The following WDFY4 variants were observed in gnomAD, a reference collection of about 807,000 sequenced individuals.
The protein encoded by WDFY4 is WD repeat- and FYVE domain-containing protein 4.
WDFY4 carries 169 observed loss-of-function variants against 351.9 expected under a neutral mutation model. That is an observed-to-expected ratio of 0.48 (90% CI 0.42 to 0.55). WDFY4 has a LOEUF of 0.55. WDFY4 is among the 20% of genes least tolerant of loss of function. The probability of loss-of-function intolerance (pLI) is 0.00; values close to 1 mark genes in which losing one functional copy is unlikely to be tolerated. For synonymous variants in WDFY4, 1,622 were observed against 1,574.6 expected (o/e 1.03, Z -0.71); for missense variants, 3,803 against 3,935.6 (o/e 0.97, Z 0.90).
rs1406361060 is a variant in WDFY4, at chr10:48,876,832, A to ATT, written c.7001-198_7001-197dup. Among the ~76,000 whole-genome samples the ATT allele has an allele frequency of 6.6e-5, 10 of 152,280 alleles. No individual in the cohort carries two copies. The East Asian group carries it at 1.9e-3, about 29-fold the overall frequency. On this transcript the variant is annotated intron_variant, in intron 42 of 61. Coordinates refer to ENST00000325239, the MANE Select transcript of WDFY4 (RefSeq NM_001394531.1). Reference sequence around the variant, plus strand: ...CTCCAGGATAAGTCAACTGGAAGGTATTTTGACCACACCCCAGGGTGCCCC... The same window carrying ATT: ...CTCCAGGATAAGTCAACTGGAAGGTATTTTTTGACCACACCCCAGGGTGCCCC...
intron 58 of WDFY4, among the ~76,000 whole-genome samples, chr10:48,975,515 C>G (rs1842529664): frequency 6.6e-6 from 1 of 152,080 alleles, no homozygotes; most frequent in African/African-American, 2.4e-5. Flanking sequence ...TATGGGGTTC[C>G]CTGAGGATGC....
chr10:48,895,860 C>T (rs566403953), intron 44 of WDFY4, among the ~76,000 whole-genome samples: 1 of 152,194 alleles, frequency 6.6e-6, no homozygotes, highest in Non-Finnish European at 1.5e-5. Context: ...TCGGGACTGC[C>T]TGATGCCTGC....
chr10:48,928,389 T>C (rs1405407110), intron 47 of WDFY4, among the ~76,000 whole-genome samples: 3 of 150,708 alleles, frequency 2.0e-5, no homozygotes, highest in African/African-American at 7.4e-5. Context: ...TGTGTGTGTG[T>C]GTGTGTGTTG....
chr10:48,767,115 C>A (rs912404879), intron 13 of WDFY4, among the ~76,000 whole-genome samples: 27 of 152,278 alleles, frequency 1.8e-4, no homozygotes, highest in African/African-American at 6.0e-4. Context: ...AAATCATGAG[C>A]CTTGGAGTAA....
At chr10:48,872,080 G>A (rs1052882886) in intron 40 of WDFY4, among the ~76,000 whole-genome samples, 4 of 152,152 alleles carry the variant, frequency 2.6e-5, no homozygotes, top group Non-Finnish European at 5.9e-5. Context: ...GAAACATGAT[G>A]GATGATCAGG....
Position 48,943,450 on chromosome 10 carries a change from G to T in WDFY4, c.7749+1G>T. The T allele has an allele frequency of 6.4e-7, 1 of 1,551,400 alleles. No individual in the cohort carries two copies. The highest frequency in any genetic ancestry group is 8.7e-7 in the Non-Finnish European group (1 of 1,146,710). The stretch of plus-strand genomic sequence containing the variant: ...GGTCCTCGCAGACTACACCTCAGAG[G>T]TAAGTTCCTCACGTGGAAACCACAG... On this transcript the variant is annotated splice_donor_variant, in intron 49 of 61. Coordinates refer to ENST00000325239, the MANE Select transcript of WDFY4 (RefSeq NM_001394531.1). LOFTEE classifies it high-confidence loss of function.
At chr10:48,766,018 T>C (rs142645756) in intron 13 of WDFY4, among the ~76,000 whole-genome samples, 517 of 152,208 alleles carry the variant, frequency 3.4e-3, no homozygotes, top group Non-Finnish European at 5.2e-3. Flanking sequence ...ATTGTATGAG[T>C]TTCAAGTAAC....
chr10:48,721,284 C>G lies in WDFY4; in HGVS notation c.373C>G (p.Gln125Glu). ...AGAGCAAGCTCGGTTGGCAGCTGGA[C>G]AGTTGCTGTGGTGGAAGGGGGACGT... ...PAEQARLAAG[Q>E]LLWWKGDVDQ... The change falls in exon 4 of 62, where the codon CAG (glutamine) becomes GAG (glutamate). Residue 125 changes from glutamine (Q) to glutamate (E), a missense_variant. Physicochemically the swap from Gln to Glu is conservative, Grantham distance 29. Coordinates refer to ENST00000325239, the MANE Select transcript of WDFY4 (RefSeq NM_001394531.1). 6.4e-7 allele frequency: 1 copy of G among 1,551,622 alleles called. No homozygotes were observed. The highest frequency in any genetic ancestry group is 8.7e-7 in the Non-Finnish European group (1 of 1,146,962).
At chr10:48,754,233 T>G (rs955688545) in intron 12 of WDFY4, among the ~76,000 whole-genome samples, 3 of 151,590 alleles carry the variant, frequency 2.0e-5, no homozygotes, top group African/African-American at 7.3e-5. Flanking sequence ...TTGGTAGGTT[T>G]TTTTTTTTTT....
chr10:48,964,597 G>T (rs1166306186), intron 54 of WDFY4, among the ~76,000 whole-genome samples: 1 of 152,200 alleles, frequency 6.6e-6, no homozygotes, highest in Non-Finnish European at 1.5e-5. Flanking sequence ...TAGGTCTAAA[G>T]CTTGCACCAT....
intron 53 of WDFY4, 89 bp from the exon 54 acceptor site, chr10:48,963,753 C>T: frequency 7.4e-7 from 1 of 1,353,430 alleles, no homozygotes; most frequent in Non-Finnish European, 1.0e-6. Flanking sequence ...GGCCAGCACT[C>T]TGAAGCATGT....
At position 48,982,529 on chromosome 10, in the gene WDFY4, T is replaced by C. The variant is rs1239164468; in HGVS notation, c.9509T>C (p.Val3170Ala). 3 of 1,529,718 alleles carry C rather than the reference T, an allele frequency of 2.0e-6. No homozygotes were observed. In the African/African-American group the frequency reaches 4.2e-5, roughly 21 times the overall value. The allele number at this position is 1,529,718 out of a possible 1,614,324, so 94.8% of individuals were successfully genotyped here. The change falls in exon 62 of 62, where the codon GTT becomes GCT. Residue 3170 changes from valine (V) to alanine (A), a missense_variant. Val to Ala is a moderately conservative substitution (Grantham distance 64). Transcript: ENST00000325239. ...AVSRNHTKLL[V>A]GDERGRIFCW... is the part of the protein sequence containing the mutation. ...CCAAGAAACCACACCAAACTCCTGG[T>C]TGGTGATGAGAGGGGGAGAATATTC...
intron 51 of WDFY4, among the ~76,000 whole-genome samples, chr10:48,951,897 C>T (rs766472885): frequency 3.6e-4 from 55 of 152,186 alleles, no homozygotes; most frequent in Non-Finnish European, 3.2e-4. Flanking sequence ...GACACAGCAG[C>T]GGTGGCTGCT....
In WDFY4 at chr10:48,802,186, G is replaced by A. The variant is rs72795269; in HGVS notation, c.4411-1100G>A. ...GCCCAAGAATTAGAGACTAGCCTGG[G>A]CAGTAAAACAATACCCCACTCTACA... On this transcript the variant is annotated intron_variant, in intron 24 of 61. Transcript: ENST00000325239. 7.3e-3 allele frequency among the ~76,000 whole-genome samples: 1,109 copies of A among 151,960 alleles called. 6 individuals carry two copies. Among genetic ancestry groups the A allele is most frequent in the Non-Finnish European group, 8.6e-3 (584 of 67,976 alleles).
chr10:48,814,048 T>C lies in WDFY4; in HGVS notation c.5306T>C (p.Leu1769Pro). 1 of 1,549,952 alleles carries C rather than the reference T, an allele frequency of 6.5e-7. No individual in the cohort carries two copies. ...QAGLCTEGAL[L>P]LLEMLKATMS... ...GGGCTGTGCACAGAAGGTGCCTTGC[T>C]CCTCCTGGAAATGCTGAAGGCCACC... The change falls in exon 31 of 62, where the codon CTC becomes CCC. Residue 1769 changes from leucine to proline, a missense_variant. This residue lies in a region of WDFY4 where 3,054 missense variants were observed against 3,148.6 expected (regional missense o/e 0.97). Transcript: ENST00000325239.
At chr10:48,837,915 C>T (rs2068459741) in intron 39 of WDFY4, among the ~76,000 whole-genome samples, 1 of 152,224 alleles carries the variant, frequency 6.6e-6, no homozygotes, top group South Asian at 2.1e-4. Flanking sequence ...ACCCACTCAC[C>T]AGCCTGCCAG....
Position 48,833,344 on chromosome 10 carries a change from A to C in WDFY4, c.6663+635A>C, listed in dbSNP as rs143872977. ...TGGTTGGTGCTGGCTTTAGTCTGAG[A>C]CCTTAAGGGGGGCTATTGGCTGGAA... is the stretch of plus-strand genomic sequence containing the variant. On this transcript the variant is annotated intron_variant, in intron 39 of 61. Coordinates refer to ENST00000325239, the MANE Select transcript of WDFY4 (RefSeq NM_001394531.1). Among the ~76,000 whole-genome samples, 375 of 152,014 alleles carry C rather than the reference A, an allele frequency of 2.5e-3. 2 individuals carry two copies. The highest frequency in any genetic ancestry group is 8.4e-3 in the African/African-American group (346 of 41,434).
At chr10:48,883,300 G>C (rs2070327507) in intron 43 of WDFY4, among the ~76,000 whole-genome samples, 1 of 152,210 alleles carries the variant, frequency 6.6e-6, no homozygotes, top group South Asian at 2.1e-4. Context: ...TTGTGTCAAG[G>C]ACAGGAACTT....
chr10:48,688,917 T>C (rs1460878981), intron 1 of WDFY4, among the ~76,000 whole-genome samples: 1 of 152,156 alleles, frequency 6.6e-6, no homozygotes, highest in Admixed American at 6.5e-5. Flanking sequence ...CTGAGCTGGC[T>C]TGAGGGCAGT....
Sources: gnomAD v4.1 joint callset for allele counts (sites outside exome capture counted in the v4.1 genomes callset) on GRCh38, gnomAD v4.1.1 for gene constraint, gnomAD v4.1.1 regional missense constraint, MANE v1.5 for transcripts, NCBI Gene and HGNC (gene_info 2026-07-23, HGNC 2026-07-21) for gene names.